HS6ST3: variants seen among roughly 807,000 people sequenced by gnomAD.
HS6ST3 encodes the protein heparan sulfate 6-O-sulfotransferase 3.
Under a neutral mutation model 36.7 loss-of-function variants are expected in HS6ST3, and 12 were observed. The ratio of observed to expected loss-of-function variants is 0.33; its 90% CI spans 0.21 to 0.53. HS6ST3 has a LOEUF of 0.53. Among genes scored for constraint, HS6ST3 ranks in the 20% least tolerant of loss-of-function variants. The pLI is 0.95. For synonymous variants in HS6ST3, 240 were observed against 257.5 expected (o/e 0.93, Z 0.65); for missense variants, 584 against 640.9 (o/e 0.91, Z 0.96).
chr13:96,342,590 T>A (rs973292186), intron 1 of HS6ST3, among the ~76,000 whole-genome samples: 1 of 152,224 alleles, frequency 6.6e-6, no homozygotes, highest in Admixed American at 6.5e-5. Context: ...GAAGAATAGC[T>A]TCTCCTTAAC....
intron 1 of HS6ST3, among the ~76,000 whole-genome samples, chr13:96,400,298 G>A (rs1198790983): frequency 7.6e-6 from 1 of 131,434 alleles, no homozygotes; most frequent in Non-Finnish European, 1.6e-5. Flanking sequence ...GACACACACA[G>A]ACACACAGAT....
chr13:96,704,718 G>T (rs145441084), intron 1 of HS6ST3, among the ~76,000 whole-genome samples: 1 of 152,048 alleles, frequency 6.6e-6, no homozygotes, highest in Non-Finnish European at 1.5e-5. Flanking sequence ...AAACTGGAAC[G>T]CCAGGTGGCA....
chr13:96,767,862 C>T (rs777631646), intron 1 of HS6ST3, among the ~76,000 whole-genome samples: 11 of 152,120 alleles, frequency 7.2e-5, no homozygotes, highest in African/African-American at 1.2e-4. Context: ...AGACAGGTGT[C>T]GAGACAACTC....
At chr13:96,815,430 G>T (rs544848073) in intron 1 of HS6ST3, among the ~76,000 whole-genome samples, 5 of 152,156 alleles carry the variant, frequency 3.3e-5, no homozygotes, top group Admixed American at 1.3e-4. Context: ...GGGCAGTGGG[G>T]TGGTGGTTAG....
intron 1 of HS6ST3, among the ~76,000 whole-genome samples, chr13:96,375,273 T>A (rs2055309286): frequency 7.3e-6 from 1 of 137,556 alleles, no homozygotes; most frequent in Admixed American, 7.5e-5. Flanking sequence ...TCCTAGGTGC[T>A]TCCCGTCACT....
In HS6ST3 at chr13:96,090,754, C is replaced by G; in HGVS notation, c.-109C>G. On this transcript the variant is annotated 5_prime_UTR_variant, in exon 1 of 2. Coordinates refer to ENST00000376705, the MANE Select transcript of HS6ST3 (RefSeq NM_153456.4). ...CCTCGGCGTCAGGGGCATGGAGGAA[C>G]GGCGGGCTCCGAGCCGCGCCCCGGA... The G allele has an allele frequency of 3.5e-6, 3 of 861,594 alleles. No individual in the cohort carries two copies. Among genetic ancestry groups the G allele is most frequent in the Non-Finnish European group, 4.6e-6 (3 of 650,600 alleles). The allele number at this position is 861,594 out of a possible 1,614,324, so 53.4% of individuals were successfully genotyped here.
At chr13:96,094,958 C>A (rs2139291595) in intron 1 of HS6ST3, among the ~76,000 whole-genome samples, 1 of 152,214 alleles carries the variant, frequency 6.6e-6, no homozygotes, top group South Asian at 2.1e-4. Context: ...GCCCCTTAAT[C>A]TGCATGTCCA....
At chr13:96,700,829 C>T (rs1875266515) in intron 1 of HS6ST3, among the ~76,000 whole-genome samples, 1 of 152,174 alleles carries the variant, frequency 6.6e-6, no homozygotes, top group African/African-American at 2.4e-5. Flanking sequence ...AGATGGCACA[C>T]TTCCTCTAGA....
chr13:96,440,507 A>AGGAAG (rs1555305180), intron 1 of HS6ST3, among the ~76,000 whole-genome samples: 36 of 144,340 alleles, frequency 2.5e-4, no homozygotes, highest in African/African-American at 8.6e-4. Context: ...AGGAAAGGAA[A>AGGAAG]GGAAAGGAAA....
At chr13:96,208,936 C>A (rs2054385303) in intron 1 of HS6ST3, among the ~76,000 whole-genome samples, 1 of 152,026 alleles carries the variant, frequency 6.6e-6, no homozygotes, top group Admixed American at 6.6e-5. Context: ...TAGCAGGCAC[C>A]TTTTTTTGGG....
intron 1 of HS6ST3, among the ~76,000 whole-genome samples, chr13:96,107,922 G>A (rs2053849355): frequency 1.3e-5 from 2 of 152,040 alleles, no homozygotes; most frequent in Admixed American, 6.5e-5. Context: ...ACCCTGTGAT[G>A]ATTGCATTAA....
At chr13:96,432,661 CCTT>C (rs747641504) in intron 1 of HS6ST3, among the ~76,000 whole-genome samples, 3 of 152,222 alleles carry the variant, frequency 2.0e-5, no homozygotes, top group Admixed American at 6.5e-5. Context: ...GAAGTTGACA[CCTT>C]CTTATACTAA....
chr13:96,317,531 T>A (rs2054982003), intron 1 of HS6ST3, among the ~76,000 whole-genome samples: 1 of 151,300 alleles, frequency 6.6e-6, no homozygotes, highest in African/African-American at 2.4e-5. Context: ...TGTGAGGGCA[T>A]GTGCCTTTTT....
At chr13:96,352,251 G>A (rs1446920176) in intron 1 of HS6ST3, among the ~76,000 whole-genome samples, 1 of 152,192 alleles carries the variant, frequency 6.6e-6, no homozygotes, top group African/African-American at 2.4e-5. Flanking sequence ...CATAGTTTCT[G>A]TGTGTCAGGA....
rs964761949 is a variant in HS6ST3, at chr13:96,408,010, G to A, written c.707+316441G>A. ...GGCTGGAGTGCAGTGGCACGATCTC[G>A]GCTCACTGCAACCTCCGCCCCTGGG... On this transcript the variant is annotated intron_variant, in intron 1 of 1. Transcript: ENST00000376705. 1.2e-4 allele frequency among the ~76,000 whole-genome samples: 18 copies of A among 152,038 alleles called. No homozygotes were observed. In the East Asian group the frequency reaches 2.7e-3, roughly 23 times the overall value.
chr13:96,331,482 T>C (rs138573300), intron 1 of HS6ST3, among the ~76,000 whole-genome samples: 2,179 of 152,324 alleles, frequency 0.014, 25 homozygotes, highest in East Asian at 0.054. Context: ...TGCCTCCCAG[T>C]TAGGCTGCTC....
At chr13:96,241,111 A>G (rs2054557372) in intron 1 of HS6ST3, among the ~76,000 whole-genome samples, 3 of 149,872 alleles carry the variant, frequency 2.0e-5, no homozygotes, top group African/African-American at 7.4e-5. Context: ...TGAGAGGGTA[A>G]TAAATCTTTT....
chr13:96,452,583 C>T (rs565325436), intron 1 of HS6ST3, among the ~76,000 whole-genome samples: 1 of 151,686 alleles, frequency 6.6e-6, no homozygotes, highest in African/African-American at 2.4e-5. Flanking sequence ...ACAGTTCTAT[C>T]AGGAATCACA....
chr13:96,278,251 G>A (rs917176764), intron 1 of HS6ST3, among the ~76,000 whole-genome samples: 1 of 152,094 alleles, frequency 6.6e-6, no homozygotes, highest in African/African-American at 2.4e-5. Context: ...GGACTGTCTT[G>A]CATTTTGTTT....
Sources: allele counts gnomAD v4.1 joint callset (sites outside exome capture counted in the v4.1 genomes callset), GRCh38; gene constraint gnomAD v4.1.1; transcripts MANE v1.5; gene names NCBI Gene and HGNC (gene_info 2026-07-23, HGNC 2026-07-21).